The following TM7SF3 variants were observed in gnomAD, a reference collection of about 807,000 sequenced individuals.
TM7SF3 encodes transmembrane 7 superfamily member 3, also known as seven span transmembrane protein.
In TM7SF3, 60 loss-of-function variants were observed where a neutral mutation model predicts 65.5. The ratio of observed to expected loss-of-function variants is 0.92; its 90% CI spans 0.74 to 1.14. The LOEUF (loss-of-function observed/expected upper bound fraction) is 1.14, where lower values mean the gene tolerates loss of function less well. Among genes scored for constraint, TM7SF3 ranks in the 50% most tolerant of loss-of-function variants. TM7SF3 has a pLI of 0.00. For missense variants in TM7SF3, 623 were observed against 684.8 expected, an observed-to-expected ratio of 0.91 and a Z score of 1.01; for synonymous variants, 264 against 259.6, an observed-to-expected ratio of 1.02 and a Z score of -0.16.
At chr12:26,987,414 T>G (rs935560551) in intron 6 of TM7SF3, among the ~76,000 whole-genome samples, 27 of 152,188 alleles carry the variant, frequency 1.8e-4, no homozygotes, top group Non-Finnish European at 5.9e-5. Flanking sequence ...TTTACACCTC[T>G]TTCTCTCAAA....
At position 26,974,098 on chromosome 12, in the gene TM7SF3, CG is replaced by C; in HGVS notation, c.1579del (p.Arg527GlufsTer2). On this transcript the variant is annotated frameshift_variant, in exon 12 of 12. Coordinates refer to ENST00000343028, the MANE Select transcript of TM7SF3 (RefSeq NM_016551.3). LOFTEE classifies it high-confidence loss of function. ...YKLWKQERER[R>X]VTNILDPSYH... ...GCTAGGGTCCAGAATGTTTGTCACT[CG>C]GCGCTCTCTCTCTTGCTTCCATAAC... The C allele has an allele frequency of 6.2e-7, 1 of 1,614,154 alleles. No individual in the cohort carries two copies. Among genetic ancestry groups the C allele is most frequent in the Non-Finnish European group, 8.5e-7 (1 of 1,180,026 alleles).
chr12:27,014,254 A>C lies in TM7SF3; in HGVS notation c.-86T>G. The C allele has an allele frequency of 7.9e-7, 1 of 1,264,584 alleles. No homozygotes were observed. The highest frequency in any genetic ancestry group is 1.1e-6 in the Non-Finnish European group (1 of 951,468). 78.3% of individuals were successfully genotyped at this position (1,264,584 alleles called of 1,614,324 possible). On this transcript the variant is annotated 5_prime_UTR_variant, in exon 1 of 12. It removes the in-frame stop codon of an upstream open reading frame in the 5' UTR. Coordinates refer to ENST00000343028, the MANE Select transcript of TM7SF3 (RefSeq NM_016551.3). ...GGGGCCCCGCAGCCTCGCCCACGCTATCCCGGGGCGCCCGCATCGGGCGCC... is the reference window on the plus strand; with the variant it reads ...GGGGCCCCGCAGCCTCGCCCACGCTCTCCCGGGGCGCCCGCATCGGGCGCC...
At chr12:27,005,082 T>C (rs1226195325) in intron 1 of TM7SF3, among the ~76,000 whole-genome samples, 1 of 152,194 alleles carries the variant, frequency 6.6e-6, no homozygotes, top group Non-Finnish European at 1.5e-5. Context: ...GAAAAGCAAA[T>C]TATACATAAA....
intron 1 of TM7SF3, among the ~76,000 whole-genome samples, chr12:27,012,264 A>C (rs7965534): frequency 0.81 from 123,287 of 152,088 alleles, 50,068 homozygotes; most frequent in East Asian, 0.97. Flanking sequence ...GAAGATCATT[A>C]CATTGTAGGG....
At chr12:26,982,723 A>G (rs1273542120) in intron 7 of TM7SF3, 50 bp downstream of exon 7, 1 of 1,330,862 alleles carries the variant, frequency 7.5e-7, no homozygotes, top group Non-Finnish European at 1.0e-6. Context: ...TTCCCCAGCA[A>G]CACTGAAAAG....
chr12:27,011,816 A>G (rs910140548), intron 1 of TM7SF3, among the ~76,000 whole-genome samples: 2 of 152,236 alleles, frequency 1.3e-5, no homozygotes, highest in East Asian at 3.8e-4. Flanking sequence ...AACATTGAGG[A>G]ATATCAGTGC....
chr12:27,003,488 A>C, intron 1 of TM7SF3, 98 bp from the exon 2 acceptor site: 2 of 1,192,020 alleles, frequency 1.7e-6, no homozygotes, highest in Non-Finnish European at 2.3e-6. Flanking sequence ...TCCTCAGAAA[A>C]ACTCCTTGAG....
chr12:26,981,186 A>C (rs922731688), intron 7 of TM7SF3, among the ~76,000 whole-genome samples: 8 of 152,368 alleles, frequency 5.3e-5, no homozygotes, highest in African/African-American at 1.9e-4. Flanking sequence ...GCAAGTATAC[A>C]GATAACTTTG....
At position 26,996,779 on chromosome 12, in the gene TM7SF3, T is replaced by C; in HGVS notation, c.481A>G (p.Thr161Ala). Residue 161 changes from threonine (T) to alanine (A), a missense_variant, in exon 4 of 12, where the codon ACT (threonine) becomes GCT (alanine). Physicochemically the swap from Thr to Ala is moderately conservative, Grantham distance 58. Transcript: ENST00000343028. ...IYLEYNFFET[T>A]IKFAPANLGY... ...AGGTTTGCTGGGGCAAACTTGATAG[T>C]CGTTTCAAAGAAATTATACTCCAAG... 6.2e-7 allele frequency: 1 copy of C among 1,613,546 alleles called. No individual in the cohort carries two copies. The highest frequency in any genetic ancestry group is 1.1e-5 in the South Asian group (1 of 90,872).
At chr12:26,985,634 AAAAAAAAAAAAAAAAAAAATATAT>A (rs1192450113) in intron 6 of TM7SF3, among the ~76,000 whole-genome samples, 4 of 34,976 alleles carry the variant, frequency 1.1e-4, no homozygotes, top group Non-Finnish European at 2.2e-4. Context: ...AAAAAAAAAA[AAAAAAAAAAAAAAAAAAAATATAT>A]ATATATATAT....
intron 6 of TM7SF3, among the ~76,000 whole-genome samples, chr12:26,988,318 C>T (rs565909872): frequency 4.6e-5 from 7 of 152,088 alleles, no homozygotes; most frequent in South Asian, 2.1e-4. Context: ...CATGTGCCAC[C>T]GCACCCAGCT....
At chr12:26,995,769 A>G (rs1940566167) in intron 4 of TM7SF3, among the ~76,000 whole-genome samples, 1 of 152,152 alleles carries the variant, frequency 6.6e-6, no homozygotes, top group Admixed American at 6.5e-5. Context: ...TGTGGACACA[A>G]TGACAACCCA....
intron 1 of TM7SF3, among the ~76,000 whole-genome samples, chr12:27,004,134 T>C (rs187551181): frequency 6.6e-6 from 1 of 152,328 alleles, no homozygotes; most frequent in East Asian, 1.9e-4. Flanking sequence ...CTTGCCTCCA[T>C]GGTCTGCATC....
intron 2 of TM7SF3, among the ~76,000 whole-genome samples, chr12:27,000,368 A>G (rs1940779591): frequency 6.6e-6 from 1 of 152,236 alleles, no homozygotes; most frequent in Non-Finnish European, 1.5e-5. Context: ...CCACTAGGAC[A>G]AAAACATGAG....
chr12:26,971,896 T>G lies in TM7SF3; in HGVS notation c.*2069A>C, dbSNP rs1416421092. ...TTCAAAGCAAAAATTGTTTTATATT[T>G]TCTATGTTGTTTTATCCTGCCCCAA... is the stretch of plus-strand genomic sequence containing the variant. On this transcript the variant is annotated 3_prime_UTR_variant, in exon 12 of 12. Coordinates refer to ENST00000343028, the MANE Select transcript of TM7SF3 (RefSeq NM_016551.3). 1 of 152,270 alleles carries G rather than the reference T, an allele frequency of 6.6e-6. No individual in the cohort carries two copies. The highest frequency in any genetic ancestry group is 2.4e-5 in the African/African-American group (1 of 41,478). 9.4% of individuals were successfully genotyped at this position (152,270 alleles called of 1,614,324 possible).
rs373309488 is a variant in TM7SF3 at position 26,972,744 on chromosome 12, C to G, written c.*1221G>C. ...GGATTACAGGTTTGAGCCACCGCACCTGGTCGGCAATATAGATTAAGGTGG... is the reference window on the plus strand; with the variant it reads ...GGATTACAGGTTTGAGCCACCGCACGTGGTCGGCAATATAGATTAAGGTGG... On this transcript the variant is annotated 3_prime_UTR_variant, in exon 12 of 12. Coordinates refer to ENST00000343028, the MANE Select transcript of TM7SF3 (RefSeq NM_016551.3). Among the ~76,000 whole-genome samples, 14 of 152,110 alleles carry G rather than the reference C, an allele frequency of 9.2e-5. No homozygotes were observed. In the East Asian group the frequency reaches 2.7e-3, roughly 29 times the overall value.
intron 1 of TM7SF3, among the ~76,000 whole-genome samples, chr12:27,005,885 C>G (rs1228903260): frequency 6.6e-6 from 1 of 151,492 alleles, no homozygotes; most frequent in South Asian, 2.1e-4. Flanking sequence ...ACTGAAATTT[C>G]CACCTCCAGG....
intron 6 of TM7SF3, among the ~76,000 whole-genome samples, chr12:26,988,264 G>A (rs1940186841): frequency 6.6e-6 from 1 of 152,054 alleles, no homozygotes; most frequent in Non-Finnish European, 1.5e-5. Flanking sequence ...CCTGGGCTCA[G>A]GTGATCTTCC....
intron 1 of TM7SF3, among the ~76,000 whole-genome samples, chr12:27,004,086 T>G (rs529580486): frequency 6.6e-6 from 1 of 152,224 alleles, no homozygotes; most frequent in Admixed American, 6.5e-5. Context: ...ACAAGAACAG[T>G]TTTTCAACAC....
Sources: gnomAD v4.1 joint callset for allele counts (sites outside exome capture counted in the v4.1 genomes callset) on GRCh38, gnomAD v4.1.1 for gene constraint, MANE v1.5 for transcripts, NCBI Gene and HGNC (gene_info 2026-07-23, HGNC 2026-07-21) for gene names.